The following ICA1 variants were observed in gnomAD, a reference collection of about 807,000 sequenced individuals.
The protein encoded by ICA1 is 69 kDa islet cell autoantigen.
In ICA1, 40 loss-of-function variants were observed where a neutral mutation model predicts 71.0. That is an observed-to-expected ratio of 0.56 (90% CI 0.44 to 0.73). The LOEUF (loss-of-function observed/expected upper bound fraction) is 0.73, where lower values mean the gene tolerates loss of function less well. Among genes scored for constraint, ICA1 ranks in the 30% least tolerant of loss-of-function variants. ICA1 has a pLI of 0.00. For synonymous variants in ICA1, 207 were observed against 209.5 expected, an observed-to-expected ratio of 0.99 and a Z score of 0.10; for missense variants, 578 against 576.5, an observed-to-expected ratio of 1.00 and a Z score of -0.03.
chr7:8,216,719 G>A (rs1159030845), intron 6 of ICA1, among the ~76,000 whole-genome samples: 1 of 152,112 alleles, frequency 6.6e-6, no homozygotes, highest in Non-Finnish European at 1.5e-5. Context: ...TAGTATGAAA[G>A]GCCTTTTTCA....
At chr7:8,151,797 T>G (rs1462833905) in intron 8 of ICA1, among the ~76,000 whole-genome samples, 1 of 152,260 alleles carries the variant, frequency 6.6e-6, no homozygotes, top group South Asian at 2.1e-4. Flanking sequence ...TTTTTTGAAT[T>G]TTCAAAGCTA....
At chr7:8,159,799 A>C (rs1803066361) in intron 6 of ICA1, among the ~76,000 whole-genome samples, 1 of 152,220 alleles carries the variant, frequency 6.6e-6, no homozygotes, top group Non-Finnish European at 1.5e-5. Context: ...TCAACACAGC[A>C]TATTTTGGCT....
intron 8 of ICA1, among the ~76,000 whole-genome samples, chr7:8,152,730 A>AT (rs1799622226): frequency 5.6e-5 from 7 of 125,734 alleles, no homozygotes; most frequent in Non-Finnish European, 1.2e-4. Flanking sequence ...CACCATCACC[A>AT]CCACCACCAC....
rs1302455183 is a variant in ICA1, at chr7:8,226,856, A to G, written c.256+1745T>C. ...CTTCATGGTGTTCAACTATAATTCT[A>G]TTAACTAATCTGAGGTGGTTTAGGG... On this transcript the variant is annotated intron_variant, in intron 4 of 13. Transcript: ENST00000402384. The surrounding 1 kb of genome is among the most constrained non-coding windows in gnomAD (Gnocchi z 4.4). Among the ~76,000 whole-genome samples the G allele has an allele frequency of 1.3e-5, 2 of 152,194 alleles. No homozygotes were observed. Among genetic ancestry groups the G allele is most frequent in the Non-Finnish European group, 1.5e-5 (1 of 68,034 alleles).
At chr7:8,218,818 T>C in intron 5 of ICA1, 1 of 409,354 alleles carries the variant, frequency 2.4e-6, no homozygotes, top group South Asian at 2.2e-5. Flanking sequence ...CAATCCCGTG[T>C]TCATGGAGGA....
chr7:8,255,569 C>T (rs1235713983), intron 1 of ICA1, among the ~76,000 whole-genome samples: 3 of 152,158 alleles, frequency 2.0e-5, no homozygotes, highest in African/African-American at 4.8e-5. Flanking sequence ...CTTCCAAAAT[C>T]ACACACCTCT....
rs760153189 is a variant in ICA1 at position 8,158,637 on chromosome 7, G to A, written c.595C>T (p.Arg199Cys). ...TTGTCAAAGTTTTTTTTTGCAAGGC[G>A]CACTTGTGTTTGTACCTATGAAAAT... ...EKFRKVQTQVRLAKKNFDKLK... is the reference protein window; with the variant it reads ...EKFRKVQTQVCLAKKNFDKLK... Residue 199 changes from arginine to cysteine, a missense_variant, in exon 7 of 14, where the codon CGC becomes TGC. Physicochemically the swap from Arg to Cys is radical, Grantham distance 180 (BLOSUM62 -3). Coordinates refer to ENST00000402384, the MANE Select transcript of ICA1 (RefSeq NM_001136020.3). 1.7e-5 allele frequency: 28 copies of A among 1,613,768 alleles called. No homozygotes were observed. The highest frequency in any genetic ancestry group is 3.3e-5 in the Admixed American group (2 of 60,000).
chr7:8,212,966 C>A (rs1414850863), intron 6 of ICA1, among the ~76,000 whole-genome samples: 2 of 152,192 alleles, frequency 1.3e-5, no homozygotes, highest in African/African-American at 4.8e-5. Flanking sequence ...TGTTTGTTCC[C>A]TTCCAAGTTG....
At chr7:8,229,640 C>T (rs945431348) in intron 3 of ICA1, among the ~76,000 whole-genome samples, 1 of 152,216 alleles carries the variant, frequency 6.6e-6, no homozygotes, top group South Asian at 2.1e-4. Context: ...TGCGTGAACA[C>T]AGATGATCTG....
In ICA1 at chr7:8,240,594, T is replaced by C. The variant is rs535721837; in HGVS notation, c.-79-4589A>G. 6.6e-4 allele frequency among the ~76,000 whole-genome samples: 100 copies of C among 152,268 alleles called. 2 individuals carry two copies. In the South Asian group the frequency reaches 0.02, roughly 30 times the overall value. ...GCTGACAGAAGTAGGCTTCAGAAGG[T>C]TGGTAATAACAAACTTCTCCGAGCT... is the stretch of plus-strand genomic sequence containing the variant. On this transcript the variant is annotated intron_variant, in intron 1 of 13. Transcript: ENST00000402384.
chr7:8,143,536 T>G (rs760546076), intron 9 of ICA1, among the ~76,000 whole-genome samples: 2 of 152,114 alleles, frequency 1.3e-5, no homozygotes, highest in South Asian at 2.1e-4. Flanking sequence ...AAGGACCAGA[T>G]AGGGTCCAGA....
chr7:8,250,275 G>C (rs553519701), intron 1 of ICA1, among the ~76,000 whole-genome samples: 31 of 152,164 alleles, frequency 2.0e-4, no homozygotes, highest in Non-Finnish European at 4.0e-4. Context: ...TATTAAAATA[G>C]TTTCAGTAGA....
At chr7:8,196,059 G>T (rs1029971484) in intron 6 of ICA1, among the ~76,000 whole-genome samples, 2 of 152,074 alleles carry the variant, frequency 1.3e-5, no homozygotes, top group Admixed American at 6.6e-5. Flanking sequence ...ACCTATACAT[G>T]AATGTTTACA....
rs1447721850 is a variant in ICA1 at position 8,113,581 on chromosome 7, A to G, written c.*342T>C. The G allele has an allele frequency of 5.0e-6, 1 of 201,562 alleles. No individual in the cohort carries two copies. The highest frequency in any genetic ancestry group is 2.3e-5 in the African/African-American group (1 of 43,022). The allele number at this position is 201,562 out of a possible 1,614,324, so 12.5% of individuals were successfully genotyped here. On this transcript the variant is annotated 3_prime_UTR_variant, in exon 14 of 14. Transcript: ENST00000402384. The surrounding 1 kb of genome is among the most constrained non-coding windows in gnomAD (Gnocchi z 4.2). ...TGCCTCTGAGGCTGTAGGACACGTC[A>G]TTCAAACCTACCATCAAAGTAGGCT... is the stretch of plus-strand genomic sequence containing the variant.
chr7:8,153,199 G>A (rs1800226896), intron 8 of ICA1, among the ~76,000 whole-genome samples: 1 of 152,146 alleles, frequency 6.6e-6, no homozygotes, highest in Non-Finnish European at 1.5e-5. Context: ...AAAACCAGAG[G>A]AAATGAAGAA....
chr7:8,234,409 C>A lies in ICA1; in HGVS notation c.17+1501G>T, dbSNP rs960332426. Among the ~76,000 whole-genome samples, 1 of 152,178 alleles carries A rather than the reference C, an allele frequency of 6.6e-6. No individual in the cohort carries two copies. The highest frequency in any genetic ancestry group is 1.5e-5 in the Non-Finnish European group (1 of 68,040). On this transcript the variant is annotated intron_variant, in intron 2 of 13. Transcript: ENST00000402384. This position sits in a 1 kb window ranked among gnomAD's most constrained non-coding sequence, Gnocchi z 4.5. Reference sequence around the variant, plus strand: ...CTGCCCCAAAGGCTCCCCTGACCCCCCCAGGCAACTCTCCTCTGTGGAGAT... The same window carrying A: ...CTGCCCCAAAGGCTCCCCTGACCCCACCAGGCAACTCTCCTCTGTGGAGAT...
At chr7:8,204,729 G>A (rs979564847) in intron 6 of ICA1, among the ~76,000 whole-genome samples, 3 of 152,134 alleles carry the variant, frequency 2.0e-5, no homozygotes, top group Admixed American at 2.0e-4. Context: ...CACAACTCAT[G>A]TTTAACGTTC....
chr7:8,171,197 G>T (rs577074004), intron 6 of ICA1, among the ~76,000 whole-genome samples: 108 of 149,156 alleles, frequency 7.2e-4, no homozygotes, highest in African/African-American at 2.5e-3. Context: ...TCATTTTTTT[G>T]GAAGAGTTTA....
intron 8 of ICA1, among the ~76,000 whole-genome samples, chr7:8,154,379 G>A (rs981327149): frequency 2.6e-5 from 4 of 152,202 alleles, no homozygotes; most frequent in Non-Finnish European, 5.9e-5. Context: ...TGCACCGAGT[G>A]TTTAACACAT....
Sources: allele counts gnomAD v4.1 joint callset (sites outside exome capture counted in the v4.1 genomes callset), GRCh38; gene constraint gnomAD v4.1.1; non-coding constraint Gnocchi (gnomAD v3.1); transcripts MANE v1.5; gene names NCBI Gene and HGNC (gene_info 2026-07-23, HGNC 2026-07-21).